The following TENM4 variants were observed in gnomAD, a reference collection of about 807,000 sequenced individuals.
The protein encoded by TENM4 is teneurin transmembrane protein 4.
TENM4 carries 82 observed loss-of-function variants against 243.3 expected under a neutral mutation model. The ratio of observed to expected loss-of-function variants is 0.34; its 90% CI spans 0.28 to 0.40. TENM4 has a LOEUF of 0.40. Among genes scored for constraint, TENM4 ranks in the 10% least tolerant of loss-of-function variants. The pLI is 1.00. For missense variants in TENM4, 3,138 were observed against 3,673.3 expected (o/e 0.85, Z 3.77); for synonymous variants, 1,412 against 1,456.3 (o/e 0.97, Z 0.69).
chr11:79,309,110 C>T (rs1856676931), intron 1 of TENM4, among the ~76,000 whole-genome samples: 2 of 152,138 alleles, frequency 1.3e-5, no homozygotes, highest in African/African-American at 2.4e-5. Flanking sequence ...CACTCACCAC[C>T]AGTGGAGGAT....
chr11:78,732,499 G>C lies in TENM4; in HGVS notation c.2955C>G (p.Thr985=), dbSNP rs764418184. 2 of 1,613,682 alleles carry C rather than the reference G, an allele frequency of 1.2e-6. No individual in the cohort carries two copies. The highest frequency in any genetic ancestry group is 2.2e-5 in the South Asian group (2 of 90,986). Residue 985 remains threonine (T), a synonymous_variant, in exon 21 of 34, where the codon ACC becomes ACG. Transcript: ENST00000278550. The stretch of plus-strand genomic sequence containing the variant: ...AGAAGCGATCCCATGGCAGCCACAG[G>C]GTGTGCTCCTGTGTGATGAAAGGTG... The part of the protein sequence containing the change: ...ERAPFITQEH[T]LWLPWDRFFV...
chr11:78,862,214 T>C (rs551287949), intron 10 of TENM4, among the ~76,000 whole-genome samples: 19 of 152,292 alleles, frequency 1.2e-4, no homozygotes, highest in African/African-American at 4.6e-4. Flanking sequence ...GCGAGAGCCC[T>C]GGAGTCACAG....
intron 3 of TENM4, among the ~76,000 whole-genome samples, chr11:79,208,755 G>A (rs562581941): frequency 1.8e-4 from 28 of 152,236 alleles, no homozygotes; most frequent in Admixed American, 3.9e-4. Context: ...TCTAATAGGC[G>A]CTCAACAAAT....
intron 15 of TENM4, among the ~76,000 whole-genome samples, chr11:78,800,444 G>A (rs566150645): frequency 6.6e-6 from 1 of 152,150 alleles, no homozygotes; most frequent in Non-Finnish European, 1.5e-5. Flanking sequence ...GAGATTTGGT[G>A]TTAGCCCAGC....
chr11:78,671,888 T>A, intron 31 of TENM4, 145 bp downstream of exon 31: 1 of 1,084,746 alleles, frequency 9.2e-7, no homozygotes. Context: ...TGGGACCCCA[T>A]GCCCTCTGTG....
chr11:79,223,926 G>A (rs559294789), intron 2 of TENM4, among the ~76,000 whole-genome samples: 4 of 152,276 alleles, frequency 2.6e-5, no homozygotes, highest in African/African-American at 9.6e-5. Context: ...TGTCCACCCT[G>A]ATAGGGCCAT....
chr11:78,806,124 T>C (rs979433047), intron 14 of TENM4, among the ~76,000 whole-genome samples: 3 of 151,712 alleles, frequency 2.0e-5, no homozygotes, highest in African/African-American at 4.8e-5. Flanking sequence ...ATCCTGTCTC[T>C]ACAAAAAATA....
intron 9 of TENM4, among the ~76,000 whole-genome samples, chr11:78,866,706 C>T (rs372347640): frequency 6.6e-6 from 1 of 152,134 alleles, no homozygotes; most frequent in East Asian, 1.9e-4. Context: ...GTCTCCGTGG[C>T]CTGTGGAAGA....
chr11:79,192,214 T>C (rs1205537049), intron 3 of TENM4, among the ~76,000 whole-genome samples: 5 of 146,726 alleles, frequency 3.4e-5, no homozygotes, highest in African/African-American at 1.3e-4. Context: ...CGGCCGCCCC[T>C]ACTGGGAAGT....
At chr11:79,083,194 G>C (rs1860721021) in intron 4 of TENM4, among the ~76,000 whole-genome samples, 1 of 152,190 alleles carries the variant, frequency 6.6e-6, no homozygotes, top group Non-Finnish European at 1.5e-5. Flanking sequence ...AGGTGGGGCA[G>C]GCAGTGTGCA....
At chr11:79,187,684 C>T in intron 3 of TENM4, among the ~76,000 whole-genome samples, 1 of 152,104 alleles carries the variant, frequency 6.6e-6, no homozygotes. Flanking sequence ...GGAGACAGGG[C>T]CTTAAAAAAG....
chr11:78,889,623 A>G (rs1167382239), intron 9 of TENM4, among the ~76,000 whole-genome samples, 162 bp downstream of exon 9: 5 of 152,218 alleles, frequency 3.3e-5, no homozygotes, highest in African/African-American at 1.2e-4. Context: ...CTGCCCTTGC[A>G]GTGTCAGGGG....
intron 16 of TENM4, among the ~76,000 whole-genome samples, chr11:78,784,391 T>C (rs1333281854): frequency 6.6e-6 from 1 of 152,264 alleles, no homozygotes; most frequent in East Asian, 1.9e-4. Context: ...CCTACAGGGT[T>C]ATTGAAGTGT....
chr11:78,764,780 A>G (rs1856508131), intron 18 of TENM4, among the ~76,000 whole-genome samples: 1 of 152,218 alleles, frequency 6.6e-6, no homozygotes, highest in East Asian at 1.9e-4. Context: ...AGTGGGGCAG[A>G]CAGAGACAAT....
chr11:79,077,780 C>T lies in TENM4; in HGVS notation c.-65-7771G>A, dbSNP rs192954242. Reference sequence around the variant, plus strand: ...CAGCCTGGTAGAAGAAATAAAGTAACATCCCTACATGGTAAATGTAAGTGG... The same window carrying T: ...CAGCCTGGTAGAAGAAATAAAGTAATATCCCTACATGGTAAATGTAAGTGG... On this transcript the variant is annotated intron_variant, in intron 4 of 33. Transcript: ENST00000278550. Among the ~76,000 whole-genome samples, 4 of 152,298 alleles carry T rather than the reference C, an allele frequency of 2.6e-5. No individual in the cohort carries two copies. In the East Asian group the frequency reaches 7.7e-4, roughly 29 times the overall value.
intron 1 of TENM4, chr11:79,402,112 C>A: frequency 2.6e-6 from 1 of 380,508 alleles, no homozygotes; most frequent in South Asian, 2.1e-5. Context: ...GGGCAGTTAC[C>A]ATTTCACACA....
intron 15 of TENM4, among the ~76,000 whole-genome samples, chr11:78,798,397 AG>A (rs1481225283): frequency 1.3e-5 from 2 of 151,964 alleles, no homozygotes; most frequent in Non-Finnish European, 1.5e-5. Context: ...TGGGTAGGGG[AG>A]GAGATTAATA....
intron 3 of TENM4, among the ~76,000 whole-genome samples, chr11:79,207,265 T>C (rs1863866529): frequency 2.6e-5 from 4 of 152,196 alleles, no homozygotes; most frequent in Admixed American, 2.6e-4. Context: ...CAGGAAGCAC[T>C]GCTATGAAAG....
At chr11:79,222,157 C>T (rs1294570666) in intron 2 of TENM4, among the ~76,000 whole-genome samples, 1 of 152,192 alleles carries the variant, frequency 6.6e-6, no homozygotes, top group Non-Finnish European at 1.5e-5. Context: ...ATGGCAGGGA[C>T]ATCTGTCAGC....
Sources: allele counts gnomAD v4.1 joint callset (sites outside exome capture counted in the v4.1 genomes callset), GRCh38; gene constraint gnomAD v4.1.1; transcripts MANE v1.5; gene names NCBI Gene and HGNC (gene_info 2026-07-23, HGNC 2026-07-21).